EHBP1: variants seen among roughly 807,000 people sequenced by gnomAD.
The protein encoded by EHBP1 is EH domain binding protein 1, also known as EH domain-binding protein 1.
Under a neutral mutation model 144.0 loss-of-function variants are expected in EHBP1, and 55 were observed. The ratio of observed to expected loss-of-function variants is 0.38; its 90% CI spans 0.31 to 0.48. The LOEUF is 0.48. EHBP1 is among the 20% of genes least tolerant of loss of function. The pLI is 0.98. For missense variants in EHBP1, 1,200 were observed against 1,364.2 expected (o/e 0.88, Z 1.90); for synonymous variants, 469 against 472.7 (o/e 0.99, Z 0.10).
chr2:62,904,712 G>A (rs934916847), intron 10 of EHBP1, among the ~76,000 whole-genome samples: 6 of 152,184 alleles, frequency 3.9e-5, no homozygotes, highest in African/African-American at 1.4e-4. Flanking sequence ...TAACTCAAGT[G>A]ACTCTTCCCA....
upstream of EHBP1, among the ~76,000 whole-genome samples, chr2:62,703,260 G>C (rs571520709): frequency 6.6e-6 from 1 of 151,876 alleles, no homozygotes; most frequent in African/African-American, 2.4e-5. Context: ...CCAGCTACTC[G>C]GGAGGTTGAG....
At chr2:62,756,643 C>T (rs938330547) in intron 3 of EHBP1, among the ~76,000 whole-genome samples, 1 of 151,966 alleles carries the variant, frequency 6.6e-6, no homozygotes, top group African/African-American at 2.4e-5. Context: ...GTGGCACATG[C>T]TTGTAATCCC....
At chr2:62,886,684 C>G (rs2051957715) in intron 10 of EHBP1, among the ~76,000 whole-genome samples, 1 of 152,178 alleles carries the variant, frequency 6.6e-6, no homozygotes, top group South Asian at 2.1e-4. Context: ...CTGCTTCTCT[C>G]TCTGGAATAC....
chr2:62,727,487 C>G (rs1321075157), intron 2 of EHBP1, among the ~76,000 whole-genome samples: 1 of 152,116 alleles, frequency 6.6e-6, no homozygotes, highest in African/African-American at 2.4e-5. Flanking sequence ...GAACTCCCCT[C>G]CCCACTCAAC....
At chr2:62,874,227 C>G in intron 9 of EHBP1, 119 bp from the exon 10 acceptor site, 1 of 647,762 alleles carries the variant, frequency 1.5e-6, no homozygotes, top group Non-Finnish European at 2.5e-6. Flanking sequence ...TCCAGGTTAT[C>G]ACTGGTTTGG....
chr2:62,849,242 A>G (rs985122970), intron 7 of EHBP1, among the ~76,000 whole-genome samples: 1 of 151,988 alleles, frequency 6.6e-6, no homozygotes. Flanking sequence ...TAAAAAGTTC[A>G]TGTGCCCTGA....
intron 1 of EHBP1, among the ~76,000 whole-genome samples, chr2:62,691,222 T>C (rs983200797): frequency 6.6e-6 from 1 of 152,240 alleles, no homozygotes; most frequent in African/African-American, 2.4e-5. Flanking sequence ...TTCTGTCTCA[T>C]ATGAAAGAAG....
intron 1 of EHBP1, among the ~76,000 whole-genome samples, chr2:62,692,632 T>C (rs541639909): frequency 2.6e-5 from 4 of 152,330 alleles, no homozygotes; most frequent in African/African-American, 9.6e-5. Flanking sequence ...TGGCAAATTA[T>C]ATTGAACATC....
chr2:62,828,184 A>G (rs953335501), intron 6 of EHBP1, among the ~76,000 whole-genome samples: 3 of 152,256 alleles, frequency 2.0e-5, no homozygotes, highest in Non-Finnish European at 2.9e-5. Flanking sequence ...CTGTAAAGCC[A>G]TACTATATTT....
At chr2:62,739,623 T>C (rs11125942) in intron 2 of EHBP1, among the ~76,000 whole-genome samples, 54,081 of 145,868 alleles carry the variant, frequency 0.37, 9,715 homozygotes, top group Middle Eastern at 0.44. Flanking sequence ...CATTATAGTG[T>C]TGTTTGTCTT....
chr2:62,988,499 A>G (rs2059288320), intron 15 of EHBP1, among the ~76,000 whole-genome samples: 2 of 152,186 alleles, frequency 1.3e-5, no homozygotes, highest in African/African-American at 4.8e-5. Flanking sequence ...ACTCTAGTAA[A>G]TGATTTTACA....
chr2:62,852,095 T>C lies in EHBP1; in HGVS notation c.635-7074T>C, dbSNP rs374983281. Among the ~76,000 whole-genome samples the C allele has an allele frequency of 7.9e-5, 12 of 152,186 alleles. No individual in the cohort carries two copies. In the East Asian group the frequency reaches 1.5e-3, roughly 19 times the overall value. ...ATGTTTTGAAGGTAAAGACTAACTC[T>C]AATACTTCTTCTATATTCCCTGCGG... On this transcript the variant is annotated intron_variant, in intron 7 of 22. Coordinates refer to ENST00000431489, the MANE Select transcript of EHBP1 (RefSeq NM_001142616.3).
intron 14 of EHBP1, among the ~76,000 whole-genome samples, chr2:62,958,477 C>G (rs1413996528): frequency 6.6e-6 from 1 of 152,120 alleles, no homozygotes; most frequent in Non-Finnish European, 1.5e-5. Flanking sequence ...TAATTACATT[C>G]ACATGAAATT....
chr2:62,718,770 A>G (rs1013459746), intron 2 of EHBP1, among the ~76,000 whole-genome samples: 1 of 152,124 alleles, frequency 6.6e-6, no homozygotes, highest in African/African-American at 2.4e-5. Context: ...TGAAATTTTG[A>G]GTTGAATTTT....
intron 4 of EHBP1, among the ~76,000 whole-genome samples, chr2:62,768,579 A>G (rs981641915): frequency 3.3e-5 from 5 of 152,370 alleles, no homozygotes; most frequent in African/African-American, 1.2e-4. Flanking sequence ...GCCAAATTCT[A>G]CCAGATATAC....
At chr2:62,864,228 T>C (rs1332950576) in intron 8 of EHBP1, among the ~76,000 whole-genome samples, 2 of 152,186 alleles carry the variant, frequency 1.3e-5, no homozygotes, top group African/African-American at 4.8e-5. Flanking sequence ...CACTGCAGCC[T>C]TGAACTCTTG....
chr2:62,897,415 GTA>G (rs2053028813), intron 10 of EHBP1, among the ~76,000 whole-genome samples: 1 of 152,062 alleles, frequency 6.6e-6, no homozygotes. Context: ...GAATAACCTT[GTA>G]CATATATTAT....
intron 5 of EHBP1, among the ~76,000 whole-genome samples, chr2:62,800,828 T>A (rs182969945): frequency 6.6e-6 from 1 of 152,330 alleles, no homozygotes; most frequent in Non-Finnish European, 1.5e-5. Flanking sequence ...GAGTTCACTT[T>A]CATTTTGGGC....
intron 3 of EHBP1, among the ~76,000 whole-genome samples, chr2:62,753,009 T>G (rs1472043660): frequency 6.6e-6 from 1 of 152,186 alleles, no homozygotes; most frequent in Non-Finnish European, 1.5e-5. Context: ...ACATTTAAGG[T>G]TAATATTGTT....
Sources: allele counts gnomAD v4.1 joint callset (sites outside exome capture counted in the v4.1 genomes callset), GRCh38; gene constraint gnomAD v4.1.1; transcripts MANE v1.5; gene names NCBI Gene and HGNC (gene_info 2026-07-23, HGNC 2026-07-21).